SLC1A2: variants seen among roughly 807,000 people sequenced by gnomAD.
SLC1A2 encodes the protein excitatory amino acid transporter 2.
SLC1A2 carries 15 observed loss-of-function variants against 48.8 expected under a neutral mutation model. The observed-to-expected ratio is 0.31, with a 90% confidence interval of 0.21 to 0.47. The LOEUF (loss-of-function observed/expected upper bound fraction) is 0.47. Among genes scored for constraint, SLC1A2 ranks in the 20% least tolerant of loss-of-function variants. SLC1A2 has a pLI of 0.99. For missense variants in SLC1A2, 502 were observed against 730.5 expected (o/e 0.69, Z 3.61); for synonymous variants, 279 against 272.6 (o/e 1.02, Z -0.23).
At chr11:35,402,925 A>G (rs1231292796) in intron 1 of SLC1A2, among the ~76,000 whole-genome samples, 1 of 152,242 alleles carries the variant, frequency 6.6e-6, no homozygotes, top group Non-Finnish European at 1.5e-5. Context: ...CCCAGGGCCT[A>G]CTTTCTAATC....
chr11:35,274,054 G>T (rs1447088191), intron 9 of SLC1A2, among the ~76,000 whole-genome samples: 1 of 152,124 alleles, frequency 6.6e-6, no homozygotes, highest in Non-Finnish European at 1.5e-5. Flanking sequence ...CAGGGGTGGG[G>T]AATACTAAAA....
At chr11:35,326,259 T>C (rs1046807386) in intron 1 of SLC1A2, among the ~76,000 whole-genome samples, 1 of 152,186 alleles carries the variant, frequency 6.6e-6, no homozygotes, top group South Asian at 2.1e-4. Flanking sequence ...CATCTCTAAA[T>C]TGGACCCTCC....
chr11:35,342,514 T>C (rs529424719), intron 1 of SLC1A2, among the ~76,000 whole-genome samples: 56 of 59,782 alleles, frequency 9.4e-4, no homozygotes, highest in African/African-American at 6.0e-3. Flanking sequence ...CTCAAATGAG[T>C]GTTTTTTTTG....
rs191987587 is a variant in SLC1A2, at chr11:35,343,797, C to T, written c.18-26281G>A. Among the ~76,000 whole-genome samples, 278 of 152,022 alleles carry T rather than the reference C, an allele frequency of 1.8e-3. 5 individuals carry two copies. The highest frequency in any genetic ancestry group is 7.2e-4 in the Non-Finnish European group (49 of 67,982). ...GTGCACCAGGATGTGCACAGACACACACACAGAGGCACACACACACATTTT... is the reference window on the plus strand; with the variant it reads ...GTGCACCAGGATGTGCACAGACACATACACAGAGGCACACACACACATTTT... On this transcript the variant is annotated intron_variant, in intron 1 of 10. Transcript: ENST00000278379.
intron 1 of SLC1A2, among the ~76,000 whole-genome samples, chr11:35,331,954 G>C (rs1290950312): frequency 6.6e-6 from 1 of 152,168 alleles, no homozygotes. Flanking sequence ...ATTTTTGAGA[G>C]ACTAGTGATT....
Position 35,292,305 on chromosome 11 carries a change from G to A in SLC1A2, c.1073C>T (p.Ala358Val). 6.2e-7 allele frequency: 1 copy of A among 1,613,106 alleles called. No individual in the cohort carries two copies. The highest frequency in any genetic ancestry group is 8.5e-7 in the Non-Finnish European group (1 of 1,179,098). ...TCTCTACCTGGAAGCGGTGCCCAGG[G>A]CAGTGATCCAAGCTTGGAAAATGCC... ...FAGIFQAWIT[A>V]LGTASSAGTL... Residue 358 changes from alanine (A) to valine (V), a missense_variant, in exon 7 of 11, where the codon GCC becomes GTC. By Grantham distance (64) the Ala-to-Val change is moderately conservative. Transcript: ENST00000278379.
intron 1 of SLC1A2, among the ~76,000 whole-genome samples, chr11:35,364,182 GCAGCC>G (rs1281387123): frequency 5.3e-5 from 8 of 152,188 alleles, no homozygotes; most frequent in Non-Finnish European, 1.2e-4. Flanking sequence ...GAGCTGGCAA[GCAGCC>G]TCTTGGCATT....
chr11:35,391,556 A>T (rs1854769586), intron 1 of SLC1A2: 1 of 152,240 alleles, frequency 6.6e-6, no homozygotes, highest in African/African-American at 2.4e-5. Flanking sequence ...ACAGCGCTGA[A>T]TTCTACCACT....
intron 6 of SLC1A2, among the ~76,000 whole-genome samples, chr11:35,295,804 T>G (rs1372955517): frequency 1.3e-5 from 2 of 152,176 alleles, no homozygotes; most frequent in African/African-American, 4.8e-5. Flanking sequence ...AAGATGCCCC[T>G]CACAGGGCTC....
At chr11:35,379,342 GACTGCCCTGATTCACAAAAC>G (rs1854342889) in intron 1 of SLC1A2, among the ~76,000 whole-genome samples, 1 of 152,230 alleles carries the variant, frequency 6.6e-6, no homozygotes, top group African/African-American at 2.4e-5. Context: ...AAAATTTTTA[GACTGCCCTGATTCACAAAAC>G]TATTGCAAAT....
chr11:35,266,869 T>G (rs1313267059), intron 9 of SLC1A2, among the ~76,000 whole-genome samples: 1 of 152,210 alleles, frequency 6.6e-6, no homozygotes, highest in Non-Finnish European at 1.5e-5. Flanking sequence ...GTTGCTATTA[T>G]CAAATCTATT....
Position 35,328,276 on chromosome 11 carries a change from T to G in SLC1A2, c.18-10760A>C, listed in dbSNP as rs182278978. ...CCTCAAGGGTTCACTCCAACTCTGG[T>G]TCTTCACCGGGAAGGACTCCCCCAT... On this transcript the variant is annotated intron_variant, in intron 1 of 10. Coordinates refer to ENST00000278379, the MANE Select transcript of SLC1A2 (RefSeq NM_004171.4). 8.0e-4 allele frequency among the ~76,000 whole-genome samples: 122 copies of G among 152,324 alleles called. No individual in the cohort carries two copies. In the East Asian group the frequency reaches 0.02, roughly 25 times the overall value.
intron 1 of SLC1A2, among the ~76,000 whole-genome samples, chr11:35,376,402 G>A (rs1854230142): frequency 6.6e-6 from 1 of 152,164 alleles, no homozygotes; most frequent in Non-Finnish European, 1.5e-5. Flanking sequence ...TAATTTCTTA[G>A]TTTCGATCAA....
intron 6 of SLC1A2, among the ~76,000 whole-genome samples, chr11:35,294,145 C>T (rs1016948573): frequency 4.6e-5 from 7 of 152,210 alleles, no homozygotes; most frequent in Admixed American, 3.9e-4. Context: ...GTTAGTGATG[C>T]TTTCTAGAAC....
chr11:35,333,047 C>T (rs1305745415), intron 1 of SLC1A2, among the ~76,000 whole-genome samples: 8 of 152,130 alleles, frequency 5.3e-5, no homozygotes, highest in Non-Finnish European at 1.0e-4. Context: ...ATTCCCCATC[C>T]GCACACAGCT....
At chr11:35,358,838 G>A (rs1039051074) in intron 1 of SLC1A2, among the ~76,000 whole-genome samples, 2 of 152,118 alleles carry the variant, frequency 1.3e-5, no homozygotes, top group Non-Finnish European at 2.9e-5. Context: ...GTAATTTGAA[G>A]GAATAAATGA....
chr11:35,405,467 A>T (rs1369208074), intron 1 of SLC1A2, among the ~76,000 whole-genome samples: 1 of 151,620 alleles, frequency 6.6e-6, no homozygotes, highest in Non-Finnish European at 1.5e-5. Flanking sequence ...GCTTTGACTT[A>T]AGAAATTCCT....
rs1851734643 is a variant in SLC1A2, at chr11:35,312,370, A to G, written c.389T>C (p.Ile130Thr). Residue 130 changes from isoleucine (I) to threonine (T), a missense_variant, in exon 4 of 11, where the codon ATT (isoleucine) becomes ACT (threonine). Physicochemically the swap from Ile to Thr is moderately conservative, Grantham distance 89. This residue lies in a region of SLC1A2 where 309 missense variants were observed against 480.3 expected (regional missense o/e 0.64). Coordinates refer to ENST00000278379, the MANE Select transcript of SLC1A2 (RefSeq NM_004171.4). Reference sequence around the variant, plus strand: ...CAGAATGACCCCCAGTACTGCAGCAATGATGGTCGTGGACATGTAATACAC... The same window carrying G: ...CAGAATGACCCCCAGTACTGCAGCAGTGATGGTCGTGGACATGTAATACAC... ...AMVYYMSTTI[I>T]AAVLGVILVL... 1.2e-6 allele frequency: 2 copies of G among 1,614,190 alleles called. No homozygotes were observed. Among genetic ancestry groups the G allele is most frequent in the Admixed American group, 1.7e-5 (1 of 60,028 alleles).
At chr11:35,266,769 A>G (rs1950491762) in intron 9 of SLC1A2, among the ~76,000 whole-genome samples, 1 of 152,256 alleles carries the variant, frequency 6.6e-6, no homozygotes, top group South Asian at 2.1e-4. Flanking sequence ...TTAGTCCAGG[A>G]CATTTTAGCT....
Sources: allele counts gnomAD v4.1 joint callset (sites outside exome capture counted in the v4.1 genomes callset), GRCh38; gene constraint gnomAD v4.1.1; regional missense constraint gnomAD v4.1.1; transcripts MANE v1.5; gene names NCBI Gene and HGNC (gene_info 2026-07-23, HGNC 2026-07-21).